CNPY2: variants seen among roughly 807,000 people sequenced by gnomAD.
CNPY2 encodes canopy FGF signaling regulator 2.
Under a neutral mutation model 25.5 loss-of-function variants are expected in CNPY2, and 19 were observed. The observed-to-expected ratio is 0.74, with a 90% CI of 0.52 to 1.09. The LOEUF is 1.09. CNPY2 is among the 50% of genes least tolerant of loss of function. CNPY2 has a pLI of 0.00. For missense variants in CNPY2, 214 were observed against 233.6 expected, an observed-to-expected ratio of 0.92 and a Z score of 0.55; for synonymous variants, 82 against 85.0, an observed-to-expected ratio of 0.96 and a Z score of 0.19.
At chr12:56,314,347 T>C in intron 3 of CNPY2, 1 of 808,930 alleles carries the variant, frequency 1.2e-6, no homozygotes, top group Non-Finnish European at 1.5e-6. Flanking sequence ...ACTTTTGCAT[T>C]TTTTTGTAGA....
Position 56,309,912 on chromosome 12 carries a change from T to C in CNPY2, c.*640A>G. ...AAAGCTTAGGCTGGCAAGCAAGGCC[T>C]CTCATTAAACAACCTTCCTTACCTC... On this transcript the variant is annotated 3_prime_UTR_variant, in exon 6 of 6. Transcript: ENST00000273308. The C allele has an allele frequency of 4.3e-6, 3 of 702,272 alleles. No homozygotes were observed. The highest frequency in any genetic ancestry group is 2.7e-5 in the East Asian group (1 of 37,278). 43.5% of individuals were successfully genotyped at this position (702,272 alleles called of 1,614,324 possible).
chr12:56,313,531 C>A (rs1873783735), intron 3 of CNPY2, among the ~76,000 whole-genome samples: 1 of 151,920 alleles, frequency 6.6e-6, no homozygotes, highest in Non-Finnish European at 1.5e-5. Flanking sequence ...AGACTAATAT[C>A]CTCAGTAAGC....
chr12:56,314,999 C>T (rs986121334), intron 2 of CNPY2, 33 bp from the exon 3 acceptor site: 4 of 1,612,146 alleles, frequency 2.5e-6, no homozygotes, highest in Non-Finnish European at 3.4e-6. Flanking sequence ...GAGCAGGGGA[C>T]AGGGTAGGGG....
intron 3 of CNPY2, among the ~76,000 whole-genome samples, chr12:56,314,149 T>G (rs1456299419): frequency 6.6e-6 from 1 of 152,048 alleles, no homozygotes; most frequent in East Asian, 1.9e-4. Context: ...GTGATCCGCC[T>G]GCCTTGGCCT....
In CNPY2 at chr12:56,311,228, C is replaced by A. The variant is rs773784477; in HGVS notation, c.391G>T (p.Gly131Cys). 1.2e-6 allele frequency: 2 copies of A among 1,613,916 alleles called. No homozygotes were observed. Among genetic ancestry groups the A allele is most frequent in the Non-Finnish European group, 1.7e-6 (2 of 1,179,946 alleles). ...QGIRIDSDISGTLKFACESIV... is the reference protein window; with the variant it reads ...QGIRIDSDISCTLKFACESIV... ...TAGCTCACCGCAAACTTGAGGGTGCCGCTAATATCTGAGTCGATTCGGATG... is the reference window on the plus strand; with the variant it reads ...TAGCTCACCGCAAACTTGAGGGTGCAGCTAATATCTGAGTCGATTCGGATG... The change falls in exon 4 of 6, where the codon GGC becomes TGC. Residue 131 changes from glycine to cysteine, a missense_variant. By Grantham distance (159) the Gly-to-Cys change is radical. Transcript: ENST00000273308.
At chr12:56,313,964 C>T (rs573689310) in intron 3 of CNPY2, among the ~76,000 whole-genome samples, 22 of 149,966 alleles carry the variant, frequency 1.5e-4, no homozygotes, top group Admixed American at 1.3e-4. Context: ...TGCAGTGGTG[C>T]GATCTTGGCT....
intron 3 of CNPY2, among the ~76,000 whole-genome samples, chr12:56,314,164 A>G (rs1214249213): frequency 6.6e-6 from 1 of 151,624 alleles, no homozygotes; most frequent in Admixed American, 6.6e-5. Context: ...TGGCCTCCCA[A>G]AGTGCTGGGT....
In CNPY2 at chr12:56,311,355, C is replaced by T; in HGVS notation, c.264G>A (p.Arg88=). 1 of 1,614,200 alleles carries T rather than the reference C, an allele frequency of 6.2e-7. No individual in the cohort carries two copies. The highest frequency in any genetic ancestry group is 8.5e-7 in the Non-Finnish European group (1 of 1,180,044). ...LTELLEEICD[R]MKEYGEQIDP... ...CAATCTGTTCCCCATACTCCTTCAT[C>T]CGGTCACATATCTCCTCCAGCAGCT... is the stretch of plus-strand genomic sequence containing the variant. Residue 88 remains arginine (R), a synonymous_variant, in exon 4 of 6, where the codon CGG becomes CGA. Transcript: ENST00000273308.
Position 56,315,118 on chromosome 12 carries a change from T to C in CNPY2, c.88+12A>G. ...CTGCTTCCTCCACTTCTTTTTCCCG[T>C]TGTGCCTTTACCTCCACAGTGGAGA... is the stretch of plus-strand genomic sequence containing the variant. On this transcript the variant is annotated intron_variant, in intron 2 of 5. Transcript: ENST00000273308. The C allele has an allele frequency of 6.2e-7, 1 of 1,613,332 alleles. No individual in the cohort carries two copies. The highest frequency in any genetic ancestry group is 8.5e-7 in the Non-Finnish European group (1 of 1,179,256).
At chr12:56,311,188 AG>A in intron 4 of CNPY2, 22 bp downstream of exon 4, 1 of 1,612,050 alleles carries the variant, frequency 6.2e-7, no homozygotes, top group Middle Eastern at 1.7e-4. Flanking sequence ...TCCAAGAACC[AG>A]CTACCGATTC....
intron 3 of CNPY2, chr12:56,311,829 G>A: frequency 3.9e-6 from 1 of 255,406 alleles, no homozygotes; most frequent in Non-Finnish European, 7.7e-6. Context: ...TGGGATTACA[G>A]ACGTGAGCCA....
At chr12:56,311,177 G>T in intron 4 of CNPY2, 34 bp downstream of exon 4, 1 of 1,611,722 alleles carries the variant, frequency 6.2e-7, no homozygotes, top group Non-Finnish European at 8.5e-7. Flanking sequence ...ACCCCTTAAT[G>T]TCCAAGAACC....
Position 56,310,225 on chromosome 12 carries a change from T to G in CNPY2, c.*327A>C. On this transcript the variant is annotated 3_prime_UTR_variant, in exon 6 of 6. Transcript: ENST00000273308. ...TAGACTCTAAAGACGTGGTATTGAGTGGGCACTGACTGAAAGCTTATCTAG... is the reference window on the plus strand; with the variant it reads ...TAGACTCTAAAGACGTGGTATTGAGGGGGCACTGACTGAAAGCTTATCTAG... The G allele has an allele frequency of 1.7e-6, 1 of 602,182 alleles. No individual in the cohort carries two copies. Among genetic ancestry groups the G allele is most frequent in the Non-Finnish European group, 2.9e-6 (1 of 340,676 alleles). The allele number at this position is 602,182 out of a possible 1,614,324, so 37.3% of individuals were successfully genotyped here.
chr12:56,315,002 G>C, intron 2 of CNPY2, 36 bp from the exon 3 acceptor site: 1 of 1,610,128 alleles, frequency 6.2e-7, no homozygotes, highest in Non-Finnish European at 8.5e-7. Flanking sequence ...CAGGGGACAG[G>C]GTAGGGGGTA....
At position 56,315,254 on chromosome 12, in the gene CNPY2, T is replaced by C; in HGVS notation, c.-25-12A>G. 1 of 1,537,138 alleles carries C rather than the reference T, an allele frequency of 6.5e-7. No individual in the cohort carries two copies. The highest frequency in any genetic ancestry group is 1.1e-5 in the South Asian group (1 of 89,286). ...TGGGGTCGCTCCACCTGGGTTTGAGTGGGAATAAAACATAAGTGTGAGGAG... is the reference window on the plus strand; with the variant it reads ...TGGGGTCGCTCCACCTGGGTTTGAGCGGGAATAAAACATAAGTGTGAGGAG... On this transcript the variant is annotated splice_polypyrimidine_tract_variant and intron_variant, in intron 1 of 5. Coordinates refer to ENST00000273308, the MANE Select transcript of CNPY2 (RefSeq NM_014255.7).
intron 3 of CNPY2, among the ~76,000 whole-genome samples, chr12:56,313,661 A>G (rs1324679519): frequency 1.3e-5 from 2 of 148,846 alleles, no homozygotes; most frequent in Non-Finnish European, 3.0e-5. Context: ...GCTAGAGTGC[A>G]GTGGCACCAT....
intron 3 of CNPY2, among the ~76,000 whole-genome samples, chr12:56,313,416 G>A (rs1873779135): frequency 6.6e-6 from 1 of 151,832 alleles, no homozygotes; most frequent in Non-Finnish European, 1.5e-5. Flanking sequence ...CTTGAACCCG[G>A]GAGGCAGAGG....
chr12:56,315,095 G>A, intron 2 of CNPY2, 35 bp downstream of exon 2: 4 of 1,606,496 alleles, frequency 2.5e-6, no homozygotes, highest in Non-Finnish European at 2.6e-6. Context: ...CCAAGGCTCT[G>A]CTTCCTCCAC....
At chr12:56,316,129 CAAGGACCCCGGTCAATCGCCG>C (rs911542950), upstream of CNPY2, 1 of 152,858 alleles carries the variant, frequency 6.5e-6, no homozygotes, top group South Asian at 2.1e-4. Context: ...TCCCGAACAG[CAAGGACCCCGGTCAATCGCCG>C]AAGGACCCAG....
Sources: gnomAD v4.1 joint callset for allele counts (sites outside exome capture counted in the v4.1 genomes callset) on GRCh38, gnomAD v4.1.1 for gene constraint, MANE v1.5 for transcripts, NCBI Gene and HGNC (gene_info 2026-07-23, HGNC 2026-07-21) for gene names.